PEBP1: variants seen among roughly 807,000 people sequenced by gnomAD.
PEBP1 encodes the protein phosphatidylethanolamine-binding protein 1.
Under a neutral mutation model 22.7 loss-of-function variants are expected in PEBP1, and 17 were observed. The observed-to-expected ratio is 0.75, with a 90% confidence interval of 0.51 to 1.12. The LOEUF (loss-of-function observed/expected upper bound fraction) is 1.12, where lower values mean the gene tolerates loss of function less well. Ranked by LOEUF, PEBP1 falls within the 50% of genes most tolerant of loss-of-function variation. PEBP1 has a pLI of 0.00. For synonymous variants in PEBP1, 106 were observed against 104.3 expected (o/e 1.02, Z -0.10); for missense variants, 205 against 243.5 (o/e 0.84, Z 1.05).
At chr12:118,140,830 G>A (rs772732750) in intron 3 of PEBP1, among the ~76,000 whole-genome samples, 1 of 151,860 alleles carries the variant, frequency 6.6e-6, no homozygotes, top group Non-Finnish European at 1.5e-5. Flanking sequence ...GAGCCACTGC[G>A]CCCGGCAGAG....
At position 118,143,569 on chromosome 12, in the gene PEBP1, A is replaced by T. The variant is rs1395658447; in HGVS notation, c.347-1017A>T. 2.0e-5 allele frequency among the ~76,000 whole-genome samples: 3 copies of T among 152,162 alleles called. No individual in the cohort carries two copies. In the East Asian group the frequency reaches 5.8e-4, roughly 29 times the overall value. Reference sequence around the variant, plus strand: ...TATTGTGAATACTGCTGCATTGAACATGGGTGTGCAAATATTTAAACAACT... The same window carrying T: ...TATTGTGAATACTGCTGCATTGAACTTGGGTGTGCAAATATTTAAACAACT... On this transcript the variant is annotated intron_variant, in intron 3 of 3. Transcript: ENST00000261313.
chr12:118,136,469 C>G lies in PEBP1; in HGVS notation c.135+125C>G, dbSNP rs80022034. 148 of 1,175,374 alleles carry G rather than the reference C, an allele frequency of 1.3e-4. 1 individual carries two copies. The highest frequency in any genetic ancestry group is 1.5e-4 in the Non-Finnish European group (132 of 868,482). The allele number at this position is 1,175,374 out of a possible 1,614,324, so 72.8% of individuals were successfully genotyped here. On this transcript the variant is annotated intron_variant, in intron 1 of 3. Coordinates refer to ENST00000261313, the MANE Select transcript of PEBP1 (RefSeq NM_002567.4). This position sits in a 1 kb window ranked among gnomAD's most constrained non-coding sequence, Gnocchi z 5.6. ...AGGTTCAGCCTGCGTGTGTCGAGGCCCCCCCAGGCCAGAGGTCCCGGGGTC... is the reference window on the plus strand; with the variant it reads ...AGGTTCAGCCTGCGTGTGTCGAGGCGCCCCCAGGCCAGAGGTCCCGGGGTC...
Position 118,145,157 on chromosome 12 carries a change from TAAGGGAGGTTTA to T in PEBP1, c.*357_*368del. 1 of 351,296 alleles carries T rather than the reference TAAGGGAGGTTTA, an allele frequency of 2.8e-6. No individual in the cohort carries two copies. Among genetic ancestry groups the T allele is most frequent in the Non-Finnish European group, 5.1e-6 (1 of 197,468 alleles). 21.8% of individuals were successfully genotyped at this position (351,296 alleles called of 1,614,324 possible). ...ATAGAGCAAAGCATCAAAGAATCTT[TAAGGGAGGTTTA>T]AAAAAAAAAAAAAAAAAAAAGATTG... On this transcript the variant is annotated 3_prime_UTR_variant, in exon 4 of 4. Transcript: ENST00000261313.
intron 2 of PEBP1, 138 bp downstream of exon 2, chr12:118,138,286 C>T (rs1444380894): frequency 1.5e-6 from 1 of 649,446 alleles, no homozygotes; most frequent in Non-Finnish European, 2.8e-6. Context: ...CCTTTCCTGC[C>T]CTTTTGCCCC....
chr12:118,139,635 G>A (rs2034097837), intron 3 of PEBP1, 84 bp downstream of exon 3: 4 of 825,008 alleles, frequency 4.8e-6, no homozygotes, highest in Non-Finnish European at 8.0e-6. Flanking sequence ...TCTTTTGAGA[G>A]CCCTTAACCC....
intron 3 of PEBP1, among the ~76,000 whole-genome samples, chr12:118,141,449 A>G (rs1160193592): frequency 1.3e-5 from 2 of 152,144 alleles, no homozygotes; most frequent in African/African-American, 2.4e-5. Flanking sequence ...TAATGGTATC[A>G]TGGACCAGGC....
chr12:118,136,470 C>A lies in PEBP1; in HGVS notation c.135+126C>A. 8.5e-7 allele frequency: 1 copy of A among 1,179,724 alleles called. No individual in the cohort carries two copies. The highest frequency in any genetic ancestry group is 2.7e-5 in the East Asian group (1 of 36,672). The allele number at this position is 1,179,724 out of a possible 1,614,324, so 73.1% of individuals were successfully genotyped here. Reference sequence around the variant, plus strand: ...GGTTCAGCCTGCGTGTGTCGAGGCCCCCCCAGGCCAGAGGTCCCGGGGTCC... The same window carrying A: ...GGTTCAGCCTGCGTGTGTCGAGGCCACCCCAGGCCAGAGGTCCCGGGGTCC... On this transcript the variant is annotated intron_variant, in intron 1 of 3. Transcript: ENST00000261313. The surrounding 1 kb of genome is among the most constrained non-coding windows in gnomAD (Gnocchi z 5.6).
chr12:118,144,567 C>T lies in PEBP1; in HGVS notation c.347-19C>T, dbSNP rs1234527076. On this transcript the variant is annotated intron_variant, in intron 3 of 3. Transcript: ENST00000261313. ...AGTGCTGGGCTGTGTGTACATCTTC[C>T]CTCTGCCTCTCCCCACAGGCCTCCA... 4 of 1,602,850 alleles carry T rather than the reference C, an allele frequency of 2.5e-6. No homozygotes were observed. Among genetic ancestry groups the T allele is most frequent in the Non-Finnish European group, 3.4e-6 (4 of 1,174,682 alleles).
intron 3 of PEBP1, among the ~76,000 whole-genome samples, chr12:118,143,810 C>T (rs1252681235): frequency 6.7e-6 from 1 of 149,868 alleles, no homozygotes; most frequent in African/African-American, 2.5e-5. Flanking sequence ...GAGGCTGAGG[C>T]AGGAGAATTG....
At chr12:118,141,166 G>T (rs1226556877) in intron 3 of PEBP1, among the ~76,000 whole-genome samples, 1 of 151,748 alleles carries the variant, frequency 6.6e-6, no homozygotes, top group Non-Finnish European at 1.5e-5. Flanking sequence ...TCCCAGGCTG[G>T]AGTGCAATGG....
Position 118,139,531 on chromosome 12 carries a change from C to G in PEBP1, c.326C>G (p.Ser109Trp). 1 of 1,612,272 alleles carries G rather than the reference C, an allele frequency of 6.2e-7. No homozygotes were observed. The highest frequency in any genetic ancestry group is 1.7e-4 in the Middle Eastern group (1 of 6,034). ...SGTVLSDYVG[S>W]GPPKGTGLHR... ...ACAGTCCTCTCCGATTATGTGGGCT[C>G]GGGGCCTCCCAAGGGCACAGGTTAG... is the stretch of plus-strand genomic sequence containing the variant. The change falls in exon 3 of 4, where the codon TCG becomes TGG. Residue 109 changes from serine to tryptophan, a missense_variant. Ser to Trp is a radical substitution (Grantham distance 177). Transcript: ENST00000261313.
At chr12:118,138,325 C>T (rs544009788) in intron 2 of PEBP1, among the ~76,000 whole-genome samples, 177 bp downstream of exon 2, 2 of 152,224 alleles carry the variant, frequency 1.3e-5, no homozygotes, top group East Asian at 3.9e-4. Context: ...AACTCACAGC[C>T]GAGAGCCATA....
chr12:118,137,554 C>T (rs1287720305), intron 1 of PEBP1, among the ~76,000 whole-genome samples: 3 of 152,058 alleles, frequency 2.0e-5, no homozygotes, highest in Non-Finnish European at 4.4e-5. Context: ...GACCTGGTCT[C>T]AAATAAAATA....
intron 3 of PEBP1, among the ~76,000 whole-genome samples, chr12:118,139,790 T>G (rs1237292486): frequency 5.9e-5 from 9 of 151,534 alleles, no homozygotes; most frequent in Non-Finnish European, 7.4e-5. Context: ...CCCTAGCCCT[T>G]TAGCAAGCAG....
intron 3 of PEBP1, among the ~76,000 whole-genome samples, chr12:118,142,244 G>A (rs967784976): frequency 6.7e-6 from 1 of 148,604 alleles, no homozygotes; most frequent in Non-Finnish European, 1.5e-5. Flanking sequence ...CCAGGCTGGA[G>A]TGCAATGGTG....
intron 2 of PEBP1, 122 bp downstream of exon 2, chr12:118,138,270 A>C (rs367683630): frequency 2.9e-6 from 2 of 698,600 alleles, no homozygotes; most frequent in Non-Finnish European, 5.0e-6. Context: ...CTTAAGCCAG[A>C]GAGTGCCTTT....
Position 118,136,642 on chromosome 12 carries a change from C to T in PEBP1, c.135+298C>T, listed in dbSNP as rs897198197. 2.0e-5 allele frequency among the ~76,000 whole-genome samples: 3 copies of T among 152,314 alleles called. No homozygotes were observed. The highest frequency in any genetic ancestry group is 7.2e-5 in the African/African-American group (3 of 41,574). On this transcript the variant is annotated intron_variant, in intron 1 of 3. Coordinates refer to ENST00000261313, the MANE Select transcript of PEBP1 (RefSeq NM_002567.4). This position sits in a 1 kb window ranked among gnomAD's most constrained non-coding sequence, Gnocchi z 5.6. ...AGGTTCGGAAACAGGCCGGATCCCC[C>T]TCTCCCCCCACAGGCCAGGGCGCTG...
At chr12:118,140,016 A>C (rs553522720) in intron 3 of PEBP1, among the ~76,000 whole-genome samples, 5 of 152,134 alleles carry the variant, frequency 3.3e-5, no homozygotes, top group Non-Finnish European at 1.5e-5. Flanking sequence ...GGTATATTGA[A>C]AACAGATTTG....
At position 118,136,301 on chromosome 12, in the gene PEBP1, G is replaced by T. The variant is rs748715777; in HGVS notation, c.92G>T (p.Gly31Val). ...PQHPLHVTYA[G>V]AAVDELGKVL... ...CACCCGCTGCATGTCACCTACGCCG[G>T]GGCGGCGGTGGACGAGCTGGGCAAA... The change falls in exon 1 of 4, where the codon GGG becomes GTG. Residue 31 changes from glycine (G) to valine (V), a missense_variant. Transcript: ENST00000261313. The surrounding 1 kb of genome is among the most constrained non-coding windows in gnomAD (Gnocchi z 5.6). 1 of 1,546,066 alleles carries T rather than the reference G, an allele frequency of 6.5e-7. No homozygotes were observed. Among genetic ancestry groups the T allele is most frequent in the Non-Finnish European group, 8.7e-7 (1 of 1,146,578 alleles).
Sources: allele counts gnomAD v4.1 joint callset (sites outside exome capture counted in the v4.1 genomes callset), GRCh38; gene constraint gnomAD v4.1.1; non-coding constraint Gnocchi (gnomAD v3.1); transcripts MANE v1.5; gene names NCBI Gene and HGNC (gene_info 2026-07-23, HGNC 2026-07-21).